RSPO2: variants seen among roughly 807,000 people sequenced by gnomAD.
RSPO2 encodes the protein R-spondin 2.
In RSPO2, 14 loss-of-function variants were observed where a neutral mutation model predicts 30.9. That is an observed-to-expected ratio of 0.45 (90% CI 0.30 to 0.71). The LOEUF is 0.71. RSPO2 is among the 30% of genes least tolerant of loss of function. RSPO2 has a pLI of 0.08. For missense variants in RSPO2, 264 were observed against 301.9 expected, an observed-to-expected ratio of 0.87 and a Z score of 0.93; for synonymous variants, 107 against 96.4, an observed-to-expected ratio of 1.11 and a Z score of -0.64.
intron 2 of RSPO2, among the ~76,000 whole-genome samples, chr8:108,033,105 T>C (rs1386018284): frequency 5.3e-5 from 8 of 149,950 alleles, no homozygotes; most frequent in Non-Finnish European, 1.5e-5. Flanking sequence ...CTCGCTATGT[T>C]ACCCAAGCTG....
At chr8:108,076,023 GC>G (rs1813003766) in intron 2 of RSPO2, among the ~76,000 whole-genome samples, 1 of 152,166 alleles carries the variant, frequency 6.6e-6, no homozygotes, top group Non-Finnish European at 1.5e-5. Context: ...TTTAAGAATA[GC>G]CCAGAAATCT....
At chr8:107,910,545 G>A (rs1811789871) in intron 5 of RSPO2, among the ~76,000 whole-genome samples, 1 of 152,066 alleles carries the variant, frequency 6.6e-6, no homozygotes, top group South Asian at 2.1e-4. Flanking sequence ...AAAGAAAAGG[G>A]TATAGGTTAT....
intron 5 of RSPO2, among the ~76,000 whole-genome samples, chr8:107,936,231 C>A (rs1229561786): frequency 6.6e-6 from 1 of 152,134 alleles, no homozygotes; most frequent in Non-Finnish European, 1.5e-5. Context: ...TTTTATTTAA[C>A]ATAATGACCT....
At chr8:107,972,799 A>G (rs1208953061) in intron 3 of RSPO2, among the ~76,000 whole-genome samples, 3 of 152,144 alleles carry the variant, frequency 2.0e-5, no homozygotes, top group East Asian at 1.9e-4. Context: ...AGTGTGTTAC[A>G]TCATTTGTCT....
chr8:107,989,964 A>G (rs1814791931), intron 2 of RSPO2, among the ~76,000 whole-genome samples: 1 of 152,246 alleles, frequency 6.6e-6, no homozygotes, highest in Non-Finnish European at 1.5e-5. Flanking sequence ...CATGAGGAAC[A>G]GTCAACAATA....
intron 4 of RSPO2, 137 bp downstream of exon 4, chr8:107,960,537 A>C (rs1368449849): frequency 3.6e-6 from 3 of 824,834 alleles, no homozygotes; most frequent in East Asian, 2.7e-5. Flanking sequence ...AAAATCAGCA[A>C]AGAACTTAAT....
intron 2 of RSPO2, among the ~76,000 whole-genome samples, chr8:108,003,277 G>GTATATA (rs59782097): frequency 1.0e-3 from 57 of 56,370 alleles, no homozygotes; most frequent in Admixed American, 1.7e-3. Flanking sequence ...GTGTGTGTGT[G>GTATATA]TATATATATA....
intron 5 of RSPO2, among the ~76,000 whole-genome samples, chr8:107,918,084 TA>T (rs1228241538): frequency 6.6e-6 from 1 of 152,172 alleles, no homozygotes; most frequent in Non-Finnish European, 1.5e-5. Context: ...TAACAGGAGT[TA>T]ATTGAATGGA....
chr8:108,003,314 T>TC (rs1815342808), intron 2 of RSPO2, among the ~76,000 whole-genome samples: 2 of 22,454 alleles, frequency 8.9e-5, no homozygotes, highest in Non-Finnish European at 1.5e-4. Flanking sequence ...TATATATATT[T>TC]TTTTTTTTTT....
chr8:107,928,424 A>G lies in RSPO2; in HGVS notation c.617-27234T>C, dbSNP rs571638276. ...AAAAGACTAAAAATTTAATCTTGCC[A>G]AAGTATTCCAGATTACACTGTAAAG... On this transcript the variant is annotated intron_variant, in intron 5 of 5. Coordinates refer to ENST00000276659, the MANE Select transcript of RSPO2 (RefSeq NM_178565.5). Among the ~76,000 whole-genome samples the G allele has an allele frequency of 2.0e-4, 30 of 152,336 alleles. No homozygotes were observed. In the East Asian group the frequency reaches 4.0e-3, roughly 21 times the overall value.
chr8:107,905,528 T>C lies in RSPO2; in HGVS notation c.617-4338A>G, dbSNP rs1811609307. Reference sequence around the variant, plus strand: ...TGAGTTTTACTGATTTTTAAGTTTGTAATGCTCTAACTTGAAACCTGGGCT... The same window carrying C: ...TGAGTTTTACTGATTTTTAAGTTTGCAATGCTCTAACTTGAAACCTGGGCT... On this transcript the variant is annotated intron_variant, in intron 5 of 5. Coordinates refer to ENST00000276659, the MANE Select transcript of RSPO2 (RefSeq NM_178565.5). Among the ~76,000 whole-genome samples, 2 of 152,100 alleles carry C rather than the reference T, an allele frequency of 1.3e-5. 1 individual carries two copies. The highest frequency in any genetic ancestry group is 1.3e-4 in the Admixed American group (2 of 15,256).
At chr8:108,005,403 T>A (rs1198297661) in intron 2 of RSPO2, among the ~76,000 whole-genome samples, 4 of 152,176 alleles carry the variant, frequency 2.6e-5, no homozygotes, top group Non-Finnish European at 5.9e-5. Context: ...GAATTGATGA[T>A]TTTTGCCTAA....
At chr8:108,028,004 A>T (rs527402252) in intron 2 of RSPO2, among the ~76,000 whole-genome samples, 2 of 152,288 alleles carry the variant, frequency 1.3e-5, no homozygotes, top group South Asian at 4.1e-4. Context: ...CCAGCCCTAC[A>T]TGAAGCCATT....
chr8:107,957,956 C>T, intron 5 of RSPO2, 124 bp downstream of exon 5: 1 of 642,246 alleles, frequency 1.6e-6, no homozygotes, highest in Non-Finnish European at 2.7e-6. Context: ...AAAACTTTAT[C>T]CCCTCACCAA....
chr8:107,969,426 T>C (rs942983933), intron 3 of RSPO2, among the ~76,000 whole-genome samples: 4 of 152,182 alleles, frequency 2.6e-5, no homozygotes, highest in African/African-American at 9.6e-5. Context: ...TTTTGCAATA[T>C]GCTGCTAGTA....
chr8:108,025,343 T>C (rs1009464022), intron 2 of RSPO2, among the ~76,000 whole-genome samples: 8 of 152,148 alleles, frequency 5.3e-5, no homozygotes, highest in African/African-American at 1.9e-4. Flanking sequence ...AACCGAAGTG[T>C]TCAAAGAATG....
intron 2 of RSPO2, among the ~76,000 whole-genome samples, chr8:108,074,420 G>A (rs1290063998): frequency 6.6e-6 from 1 of 152,090 alleles, no homozygotes; most frequent in Non-Finnish European, 1.5e-5. Flanking sequence ...GTACAGGCAA[G>A]TACACACATG....
Position 107,912,213 on chromosome 8 carries a change from A to G in RSPO2, c.617-11023T>C, listed in dbSNP as rs565539082. Among the ~76,000 whole-genome samples, 10 of 152,298 alleles carry G rather than the reference A, an allele frequency of 6.6e-5. No individual in the cohort carries two copies. The South Asian group carries it at 2.1e-3, about 32-fold the overall frequency. On this transcript the variant is annotated intron_variant, in intron 5 of 5. Coordinates refer to ENST00000276659, the MANE Select transcript of RSPO2 (RefSeq NM_178565.5). The stretch of plus-strand genomic sequence containing the variant: ...CAGCTCACAGGCCAGAAGTAAAACA[A>G]TCCTCCAGGGAACTTAAAAAAGATT...
chr8:108,056,319 C>T (rs1812239827), intron 2 of RSPO2, among the ~76,000 whole-genome samples: 1 of 151,976 alleles, frequency 6.6e-6, no homozygotes, highest in Non-Finnish European at 1.5e-5. Context: ...ACAACAAAAC[C>T]TACGCTTGGG....
Sources: allele counts gnomAD v4.1 joint callset (sites outside exome capture counted in the v4.1 genomes callset), GRCh38; gene constraint gnomAD v4.1.1; transcripts MANE v1.5; gene names NCBI Gene and HGNC (gene_info 2026-07-23, HGNC 2026-07-21).